C9: variants seen among roughly 807,000 people sequenced by gnomAD.
The protein encoded by C9 is complement C9.
A neutral mutation model predicts 65.4 loss-of-function variants in C9; 63 were observed. The ratio of observed to expected loss-of-function variants is 0.96; its 90% confidence interval spans 0.79 to 1.19. The LOEUF (loss-of-function observed/expected upper bound fraction) is 1.19. Among genes scored for constraint, C9 ranks in the 50% most tolerant of loss-of-function variants. C9 has a pLI of 0.00. For missense variants in C9, 744 were observed against 670.1 expected (o/e 1.11, Z -1.22); for synonymous variants, 229 against 227.9 (o/e 1.00, Z -0.04).
chr5:39,305,989 T>C (rs1291604487), intron 9 of C9, among the ~76,000 whole-genome samples: 2 of 151,846 alleles, frequency 1.3e-5, no homozygotes, highest in Admixed American at 6.6e-5. Context: ...GGCGAAACCC[T>C]GTCTCTACTA....
At chr5:39,355,468 T>TC (rs946900745) in intron 1 of C9, among the ~76,000 whole-genome samples, 1 of 152,042 alleles carries the variant, frequency 6.6e-6, no homozygotes, top group Non-Finnish European at 1.5e-5. Context: ...TTTGTTTTTT[T>TC]TTATTAAAAG....
At chr5:39,328,661 C>T (rs28446470) in intron 5 of C9, among the ~76,000 whole-genome samples, 4,545 of 151,910 alleles carry the variant, frequency 0.03, 208 homozygotes, top group African/African-American at 0.1. Context: ...CAAGATATAC[C>T]AGGAGAAAAA....
At chr5:39,318,153 C>A (rs1002505141) in intron 5 of C9, among the ~76,000 whole-genome samples, 1 of 151,910 alleles carries the variant, frequency 6.6e-6, no homozygotes. Context: ...CTCTGCTTGC[C>A]TGTTGTTGGT....
intron 4 of C9, among the ~76,000 whole-genome samples, chr5:39,335,952 A>G (rs1186578110): frequency 1.3e-5 from 2 of 152,212 alleles, no homozygotes; most frequent in Non-Finnish European, 2.9e-5. Context: ...TGTCTCCGCT[A>G]TAAAGGAATT....
At chr5:39,286,910 A>T (rs1203364876) in intron 10 of C9, among the ~76,000 whole-genome samples, 1 of 151,990 alleles carries the variant, frequency 6.6e-6, no homozygotes, top group Non-Finnish European at 1.5e-5. Context: ...AAAAATTTAT[A>T]TTGTAAGAGA....
chr5:39,328,466 C>T (rs182613613), intron 5 of C9, among the ~76,000 whole-genome samples: 2 of 152,178 alleles, frequency 1.3e-5, no homozygotes, highest in East Asian at 3.9e-4. Flanking sequence ...TTTGTGTGAG[C>T]ATAATATTCT....
At chr5:39,348,595 T>C (rs1219875587) in intron 1 of C9, among the ~76,000 whole-genome samples, 4 of 152,114 alleles carry the variant, frequency 2.6e-5, no homozygotes, top group Non-Finnish European at 1.5e-5. Context: ...AGTTCAACCA[T>C]TGTGGAAGTC....
rs925942864 is a variant in C9 at position 39,352,577 on chromosome 5, G to A, written c.78-10381C>T. Among the ~76,000 whole-genome samples the A allele has an allele frequency of 1.3e-5, 2 of 152,224 alleles. 1 individual carries two copies. The highest frequency in any genetic ancestry group is 4.1e-4 in the South Asian group (2 of 4,832). ...ATCCTGCACTCCAATCCTCATCTAT[G>A]CCATCTAGTCAACCACAAAAATTTG... On this transcript the variant is annotated intron_variant, in intron 1 of 10. Coordinates refer to ENST00000263408, the MANE Select transcript of C9 (RefSeq NM_001737.5).
chr5:39,314,408 C>G (rs966809885), intron 6 of C9, among the ~76,000 whole-genome samples: 1 of 151,900 alleles, frequency 6.6e-6, no homozygotes, highest in Non-Finnish European at 1.5e-5. Flanking sequence ...AAGATCACAC[C>G]ATTGTACTGC....
At chr5:39,333,608 C>CTCT (rs1175257670) in intron 4 of C9, among the ~76,000 whole-genome samples, 9 of 68,960 alleles carry the variant, frequency 1.3e-4, no homozygotes, top group Non-Finnish European at 2.6e-4. Flanking sequence ...CTCCCTCTCC[C>CTCT]CTTTCCATGG....
chr5:39,359,078 GTA>G (rs751500923), intron 1 of C9, among the ~76,000 whole-genome samples: 5,129 of 116,838 alleles, frequency 0.044, 120 homozygotes, highest in South Asian at 0.084. Context: ...ATATGTGTGT[GTA>G]TATATATATG....
At chr5:39,363,609 G>A (rs1754561297) in intron 1 of C9, among the ~76,000 whole-genome samples, 2 of 152,174 alleles carry the variant, frequency 1.3e-5, no homozygotes, top group South Asian at 4.1e-4. Flanking sequence ...GGATCATCCT[G>A]TATTGAATTA....
intron 10 of C9, among the ~76,000 whole-genome samples, chr5:39,286,826 C>T: frequency 6.6e-6 from 1 of 151,882 alleles, no homozygotes. Context: ...TAAATTCTAA[C>T]TTACATATTT....
At chr5:39,349,067 A>G (rs545045997) in intron 1 of C9, among the ~76,000 whole-genome samples, 6 of 152,166 alleles carry the variant, frequency 3.9e-5, no homozygotes, top group African/African-American at 1.4e-4. Context: ...GATATACCCA[A>G]TGTAAATGAC....
At chr5:39,297,844 C>T (rs1169923533) in intron 9 of C9, among the ~76,000 whole-genome samples, 7 of 151,660 alleles carry the variant, frequency 4.6e-5, no homozygotes, top group African/African-American at 1.5e-4. Context: ...AACTAATTGA[C>T]CTAACTGACA....
At chr5:39,350,728 C>G (rs1031287771) in intron 1 of C9, among the ~76,000 whole-genome samples, 1 of 152,206 alleles carries the variant, frequency 6.6e-6, no homozygotes, top group African/African-American at 2.4e-5. Context: ...CAAGGAGCAG[C>G]TCTGCTTCTG....
intron 5 of C9, among the ~76,000 whole-genome samples, chr5:39,330,149 G>T (rs945248694): frequency 2.0e-5 from 3 of 151,900 alleles, no homozygotes; most frequent in Admixed American, 2.0e-4. Flanking sequence ...ACTAGTAAAA[G>T]GTATCTATAG....
intron 1 of C9, among the ~76,000 whole-genome samples, chr5:39,354,700 T>G (rs897823125): frequency 2.0e-5 from 3 of 152,230 alleles, no homozygotes; most frequent in African/African-American, 7.2e-5. Flanking sequence ...TTAGCTAGAA[T>G]GTAAACTCTA....
chr5:39,346,824 T>C (rs564494216), intron 1 of C9, among the ~76,000 whole-genome samples: 1 of 152,302 alleles, frequency 6.6e-6, no homozygotes, highest in East Asian at 1.9e-4. Context: ...TTATCCACCA[T>C]GATCAAGTGG....
Sources: allele counts gnomAD v4.1 joint callset (sites outside exome capture counted in the v4.1 genomes callset), GRCh38; gene constraint gnomAD v4.1.1; transcripts MANE v1.5; gene names NCBI Gene and HGNC (gene_info 2026-07-23, HGNC 2026-07-21).